The following TMEM117 variants were observed in gnomAD, a reference collection of about 807,000 sequenced individuals.
The protein encoded by TMEM117 is transmembrane protein 117.
TMEM117 carries 27 observed loss-of-function variants against 52.4 expected under a neutral mutation model. The observed-to-expected ratio is 0.51, with a 90% CI of 0.38 to 0.71. The LOEUF is 0.71. TMEM117 is among the 30% of genes least tolerant of loss of function. The pLI, the probability that TMEM117 is intolerant of heterozygous loss-of-function variation, is 0.00. For missense variants in TMEM117, 556 were observed against 630.5 expected (o/e 0.88, Z 1.26); for synonymous variants, 215 against 206.3 (o/e 1.04, Z -0.36).
At chr12:44,149,225 G>T (rs1184859899) in intron 4 of TMEM117, among the ~76,000 whole-genome samples, 2 of 152,192 alleles carry the variant, frequency 1.3e-5, no homozygotes, top group African/African-American at 2.4e-5. Context: ...TCCCAGCTCT[G>T]GGGCAGAAGG....
At chr12:44,234,552 T>G (rs2138461499) in intron 5 of TMEM117, among the ~76,000 whole-genome samples, 1 of 151,442 alleles carries the variant, frequency 6.6e-6, no homozygotes, top group Non-Finnish European at 1.5e-5. Context: ...CTAATCTTGG[T>G]CTTTGTTGAT....
chr12:44,179,738 C>T (rs1213185641), intron 4 of TMEM117, among the ~76,000 whole-genome samples: 2 of 152,246 alleles, frequency 1.3e-5, no homozygotes, highest in Non-Finnish European at 2.9e-5. Flanking sequence ...CTGGGCATCC[C>T]TCAATCCAGT....
Position 44,102,904 on chromosome 12 carries a change from T to C in TMEM117, c.411-40621T>C, listed in dbSNP as rs537208495. Among the ~76,000 whole-genome samples the C allele has an allele frequency of 2.6e-5, 4 of 152,144 alleles. No homozygotes were observed. In the South Asian group the frequency reaches 8.3e-4, roughly 32 times the overall value. On this transcript the variant is annotated intron_variant, in intron 3 of 7. Transcript: ENST00000266534. ...GACTTCTCACGAGATCTGATGGTTT[T>C]ATAAGGAGATTTTCCCTCCTTTGCT... is the stretch of plus-strand genomic sequence containing the variant.
chr12:44,287,358 A>G (rs1950650919), intron 5 of TMEM117, among the ~76,000 whole-genome samples: 1 of 152,214 alleles, frequency 6.6e-6, no homozygotes, highest in African/African-American at 2.4e-5. Flanking sequence ...CTGAAAGGAA[A>G]GTAATCCAGA....
rs1352121431 is a variant in TMEM117 at position 44,323,981 on chromosome 12, C to CT, written c.768+24243dup. 9.2e-5 allele frequency among the ~76,000 whole-genome samples: 14 copies of CT among 152,182 alleles called. No individual in the cohort carries two copies. The East Asian group carries it at 1.5e-3, about 17-fold the overall frequency. ...ATATAGGAGCTATTTGTGGTATACTCTATTTTTTTCCTGCCTCATTACTGA... is the reference window on the plus strand; with the variant it reads ...ATATAGGAGCTATTTGTGGTATACTCTTATTTTTTTCCTGCCTCATTACTGA... On this transcript the variant is annotated intron_variant, in intron 6 of 7. Coordinates refer to ENST00000266534, the MANE Select transcript of TMEM117 (RefSeq NM_032256.3).
At chr12:44,377,080 C>T (rs181359258) in intron 7 of TMEM117, among the ~76,000 whole-genome samples, 1 of 152,162 alleles carries the variant, frequency 6.6e-6, no homozygotes, top group Non-Finnish European at 1.5e-5. Context: ...CATAGCCCTA[C>T]TTAGAGTCAG....
chr12:43,948,507 G>A (rs917381041), intron 3 of TMEM117, among the ~76,000 whole-genome samples: 19 of 151,822 alleles, frequency 1.3e-4, no homozygotes, highest in Admixed American at 2.0e-4. Flanking sequence ...GGGTTTCACC[G>A]TATTAGCCAG....
chr12:44,356,785 C>G (rs1951654874), intron 6 of TMEM117, among the ~76,000 whole-genome samples: 1 of 152,102 alleles, frequency 6.6e-6, no homozygotes, highest in Admixed American at 6.6e-5. Flanking sequence ...CTTTCTACCA[C>G]TGGAGTATAG....
intron 5 of TMEM117, among the ~76,000 whole-genome samples, chr12:44,246,440 A>C (rs1385559297): frequency 6.6e-6 from 1 of 152,146 alleles, no homozygotes; most frequent in Non-Finnish European, 1.5e-5. Context: ...TGCCTTGAAA[A>C]ATGTATTTTT....
At chr12:44,317,254 G>A (rs1007872842) in intron 6 of TMEM117, among the ~76,000 whole-genome samples, 13 of 148,374 alleles carry the variant, frequency 8.8e-5, no homozygotes, top group African/African-American at 3.0e-4. Context: ...ATATTTTCAT[G>A]TGAATAGGAT....
the TMEM117 span, among the ~76,000 whole-genome samples, chr12:44,395,965 C>G: frequency 6.6e-6 from 1 of 152,142 alleles, no homozygotes; most frequent in Non-Finnish European, 1.5e-5. Flanking sequence ...CCCAGCCATG[C>G]CTCACACTTG....
chr12:44,017,923 T>G (rs1592444333), intron 3 of TMEM117, among the ~76,000 whole-genome samples: 2 of 152,188 alleles, frequency 1.3e-5, no homozygotes, highest in East Asian at 3.8e-4. Context: ...TTTTTCAATG[T>G]TCTTTTTAAC....
chr12:44,040,906 C>T (rs1023697738), intron 3 of TMEM117, among the ~76,000 whole-genome samples: 7 of 152,064 alleles, frequency 4.6e-5, no homozygotes, highest in Admixed American at 3.9e-4. Flanking sequence ...AGATGTTCAA[C>T]ATACCAAGAA....
At chr12:44,065,770 T>C (rs1565813678) in intron 3 of TMEM117, among the ~76,000 whole-genome samples, 1 of 152,162 alleles carries the variant, frequency 6.6e-6, no homozygotes, top group Admixed American at 6.6e-5. Flanking sequence ...CCCACTCGTG[T>C]ACAGATAAAA....
intron 2 of TMEM117, among the ~76,000 whole-genome samples, chr12:43,886,392 G>T (rs1292239854): frequency 6.6e-6 from 1 of 152,142 alleles, no homozygotes; most frequent in African/African-American, 2.4e-5. Flanking sequence ...GAAGGACTGG[G>T]ATGTTTCACT....
chr12:44,009,306 A>G, intron 3 of TMEM117: 1 of 266,438 alleles, frequency 3.8e-6, no homozygotes, highest in South Asian at 4.2e-5. Context: ...TTCCAGTGTC[A>G]TATTTTAGCT....
In TMEM117 at chr12:44,388,217, A is replaced by G. The variant is rs1952118146; in HGVS notation, c.1090A>G (p.Asn364Asp). The change falls in exon 8 of 8, where the codon AAT becomes GAT. Residue 364 changes from asparagine (N) to aspartate (D), a missense_variant. Physicochemically the swap from Asn to Asp is conservative, Grantham distance 23. Coordinates refer to ENST00000266534, the MANE Select transcript of TMEM117 (RefSeq NM_032256.3). Reference protein sequence around the residue: ...RTKLSWEWRSNHTNPRTNKTY... With the variant: ...RTKLSWEWRSDHTNPRTNKTY... ...CAAGCTATCCTGGGAATGGAGGTCC[A>G]ATCACACTAACCCTCGGACTAATAA... 1 of 1,613,440 alleles carries G rather than the reference A, an allele frequency of 6.2e-7. No individual in the cohort carries two copies.
chr12:44,070,649 C>T (rs1947287816), intron 3 of TMEM117, among the ~76,000 whole-genome samples: 1 of 151,998 alleles, frequency 6.6e-6, no homozygotes, highest in Non-Finnish European at 1.5e-5. Context: ...AAGCCAAGGC[C>T]CAGAGGGAAA....
At chr12:44,237,093 T>A (rs1950006158) in intron 5 of TMEM117, among the ~76,000 whole-genome samples, 1 of 152,104 alleles carries the variant, frequency 6.6e-6, no homozygotes, top group South Asian at 2.1e-4. Flanking sequence ...AGCTCTTTGA[T>A]GCTTTTAAAG....
Sources: gnomAD v4.1 joint callset for allele counts (sites outside exome capture counted in the v4.1 genomes callset) on GRCh38, gnomAD v4.1.1 for gene constraint, MANE v1.5 for transcripts, NCBI Gene and HGNC (gene_info 2026-07-23, HGNC 2026-07-21) for gene names.